TENM2: variants seen among roughly 807,000 people sequenced by gnomAD.
TENM2 encodes teneurin transmembrane protein 2.
In TENM2, 52 loss-of-function variants were observed where a neutral mutation model predicts 245.2. The ratio of observed to expected loss-of-function variants is 0.21; its 90% CI spans 0.17 to 0.27. The LOEUF is 0.27. TENM2 is among the 10% of genes least tolerant of loss of function. The pLI is 1.00. For synonymous variants in TENM2, 1,363 were observed against 1,438.9 expected (o/e 0.95, Z 1.19); for missense variants, 3,046 against 3,666.8 (o/e 0.83, Z 4.37).
At chr5:167,114,964 T>C in the TENM2 span, among the ~76,000 whole-genome samples, 22 of 152,188 alleles carry the variant, frequency 1.4e-4, no homozygotes, top group African/African-American at 4.8e-4. Flanking sequence ...AGAGAAGATA[T>C]TCTAAAACTT....
intron 1 of TENM2, among the ~76,000 whole-genome samples, chr5:167,330,263 T>C (rs998863847): frequency 1.3e-5 from 2 of 152,158 alleles, no homozygotes; most frequent in Admixed American, 1.3e-4. Flanking sequence ...CAAATCCTCA[T>C]AGTAACACTA....
Position 168,090,502 on chromosome 5 carries a change from G to T in TENM2, c.1516-72G>T. 4 of 1,373,588 alleles carry T rather than the reference G, an allele frequency of 2.9e-6. 1 individual carries two copies. The highest frequency in any genetic ancestry group is 2.4e-5 in the East Asian group (1 of 41,608). The allele number at this position is 1,373,588 out of a possible 1,614,324, so 85.1% of individuals were successfully genotyped here. ...CTTTCTCCATTAACAAATGGGTTCG[G>T]GGGGAAGGTACCAGGTATGGGACCA... On this transcript the variant is annotated intron_variant, in intron 7 of 28. Transcript: ENST00000518659.
intron 8 of TENM2, among the ~76,000 whole-genome samples, chr5:168,097,288 C>T (rs981149696): frequency 3.0e-4 from 46 of 152,204 alleles, no homozygotes; most frequent in African/African-American, 1.1e-3. Context: ...CAGACCAAAT[C>T]TTAACTGAGT....
intron 2 of TENM2, among the ~76,000 whole-genome samples, chr5:167,436,304 C>T (rs987923574): frequency 6.6e-6 from 1 of 151,996 alleles, no homozygotes; most frequent in African/African-American, 2.4e-5. Context: ...CCAGGCTGGT[C>T]TCGAACTCCT....
At chr5:168,159,076 G>A (rs538007484) in intron 12 of TENM2, among the ~76,000 whole-genome samples, 2 of 151,088 alleles carry the variant, frequency 1.3e-5, no homozygotes, top group East Asian at 2.0e-4. Context: ...CCTGAGAGGC[G>A]GAGGCTGCAG....
At chr5:168,144,951 T>C (rs1235028548) in intron 12 of TENM2, among the ~76,000 whole-genome samples, 49 of 151,504 alleles carry the variant, frequency 3.2e-4, no homozygotes, top group Non-Finnish European at 4.7e-4. Context: ...CATTTTTTCA[T>C]GTGTTTTTTG....
rs531453810 is a variant in TENM2 at position 167,493,633 on chromosome 5, T to C, written c.502+118160T>C. On this transcript the variant is annotated intron_variant, in intron 2 of 28. Transcript: ENST00000518659. ...AATGAAAGTACTGAGATATGGAGGA[T>C]TGAAGGTGAATTACATGATATCTTA... Among the ~76,000 whole-genome samples the C allele has an allele frequency of 2.1e-4, 32 of 152,198 alleles. No individual in the cohort carries two copies. The South Asian group carries it at 2.3e-3, about 11-fold the overall frequency.
the TENM2 span, among the ~76,000 whole-genome samples, chr5:167,096,649 T>C: frequency 6.6e-6 from 1 of 152,228 alleles, no homozygotes; most frequent in Non-Finnish European, 1.5e-5. Context: ...TCCAGACTGG[T>C]CTGTGTTCTC....
At chr5:167,282,228 G>A (rs1771105897), upstream of TENM2, among the ~76,000 whole-genome samples, 1 of 152,068 alleles carries the variant, frequency 6.6e-6, no homozygotes, top group Non-Finnish European at 1.5e-5. Flanking sequence ...AATCATCAAA[G>A]TGACTCAAAA....
chr5:167,632,832 T>C (rs191463401), intron 2 of TENM2, among the ~76,000 whole-genome samples: 4 of 152,306 alleles, frequency 2.6e-5, no homozygotes, highest in Non-Finnish European at 4.4e-5. Context: ...TCGATCACAC[T>C]GCCAAAAATA....
At chr5:167,194,002 C>T in the TENM2 span, among the ~76,000 whole-genome samples, 98 of 151,924 alleles carry the variant, frequency 6.5e-4, no homozygotes, top group Middle Eastern at 0.024. Flanking sequence ...CAAAGTGAGC[C>T]GTGGGACTAT....
intron 2 of TENM2, among the ~76,000 whole-genome samples, chr5:167,673,559 G>T (rs1191027502): frequency 9.9e-5 from 15 of 152,060 alleles, no homozygotes; most frequent in Admixed American, 9.8e-4. Context: ...TGATGGCCAG[G>T]TTCAGTATTT....
chr5:167,749,800 T>C (rs1274686985), intron 2 of TENM2, among the ~76,000 whole-genome samples: 1 of 152,158 alleles, frequency 6.6e-6, no homozygotes. Flanking sequence ...ATTTGAAACC[T>C]ATATTTTTAA....
At chr5:167,618,479 C>T (rs1009665673) in intron 2 of TENM2, among the ~76,000 whole-genome samples, 6 of 152,102 alleles carry the variant, frequency 3.9e-5, no homozygotes, top group African/African-American at 1.4e-4. Flanking sequence ...TTCATTTTGT[C>T]TTCACCGGAC....
chr5:167,820,084 C>A (rs1340108123), intron 2 of TENM2, among the ~76,000 whole-genome samples: 1 of 152,110 alleles, frequency 6.6e-6, no homozygotes, highest in African/African-American at 2.4e-5. Context: ...AACCTTCCTC[C>A]CTGGAGTGTC....
the TENM2 span, among the ~76,000 whole-genome samples, chr5:167,013,222 T>A: frequency 6.6e-6 from 1 of 152,144 alleles, no homozygotes; most frequent in East Asian, 1.9e-4. Flanking sequence ...TCCACCCTCT[T>A]ATCCATCCTC....
chr5:167,799,149 G>A (rs1765524675), intron 2 of TENM2, among the ~76,000 whole-genome samples: 1 of 152,186 alleles, frequency 6.6e-6, no homozygotes, highest in South Asian at 2.1e-4. Flanking sequence ...CAGGGCTTAT[G>A]ACCCGATATT....
intron 2 of TENM2, among the ~76,000 whole-genome samples, chr5:167,789,024 C>T (rs1764768883): frequency 6.6e-6 from 1 of 152,160 alleles, no homozygotes; most frequent in Non-Finnish European, 1.5e-5. Flanking sequence ...GTCCTGTGAT[C>T]TACGAATCTA....
chr5:167,354,273 C>T (rs951390580), intron 1 of TENM2, among the ~76,000 whole-genome samples: 1 of 152,190 alleles, frequency 6.6e-6, no homozygotes, highest in Admixed American at 6.5e-5. Context: ...TAAATTAGAT[C>T]TCTTGCTTTT....
Sources: gnomAD v4.1 joint callset for allele counts (sites outside exome capture counted in the v4.1 genomes callset) on GRCh38, gnomAD v4.1.1 for gene constraint, MANE v1.5 for transcripts, NCBI Gene and HGNC (gene_info 2026-07-23, HGNC 2026-07-21) for gene names.